Variants in SLC37A2 observed in about 807,000 individuals in gnomAD.
SLC37A2 encodes the protein glucose-6-phosphate exchanger SLC37A2.
A neutral mutation model predicts 70.7 loss-of-function variants in SLC37A2; 59 were observed. The ratio of observed to expected loss-of-function variants is 0.83; its 90% CI spans 0.68 to 1.04. SLC37A2 has a LOEUF of 1.04. Ranked by LOEUF, SLC37A2 falls within the 50% of genes least tolerant of loss-of-function variation. SLC37A2 has a pLI of 0.00. For missense variants in SLC37A2, 580 were observed against 658.1 expected (o/e 0.88, Z 1.30); for synonymous variants, 257 against 262.1 (o/e 0.98, Z 0.19).
In SLC37A2 at chr11:125,085,668, C is replaced by CT. The variant is rs1304882286; in HGVS notation, c.1420dup (p.Cys474LeufsTer26). On this transcript the variant is annotated frameshift_variant, in exon 16 of 18. Transcript: ENST00000403796. LOFTEE classifies it high-confidence loss of function. ...TGCTCATCTCTGCCGACGTCCTAGCCTGCTTGGTAAGAGTCTTGGGGTACA... is the reference window on the plus strand; with the variant it reads ...TGCTCATCTCTGCCGACGTCCTAGCCTTGCTTGGTAAGAGTCTTGGGGTACA... 1 of 1,612,792 alleles carries CT rather than the reference C, an allele frequency of 6.2e-7. No individual in the cohort carries two copies. The highest frequency in any genetic ancestry group is 1.7e-5 in the Admixed American group (1 of 60,016).
chr11:125,071,972 C>G (rs967335356), intron 1 of SLC37A2, among the ~76,000 whole-genome samples: 9 of 152,110 alleles, frequency 5.9e-5, no homozygotes, highest in African/African-American at 2.2e-4. Context: ...CTACTGAATC[C>G]ATTTTCTCTG....
chr11:125,064,631 CT>C (rs1464658167), intron 1 of SLC37A2, among the ~76,000 whole-genome samples: 1 of 152,150 alleles, frequency 6.6e-6, no homozygotes, highest in East Asian at 1.9e-4. Context: ...TTTACCTAGT[CT>C]TTTTTGAGTT....
chr11:125,077,216 C>A lies in SLC37A2; in HGVS notation c.142-14C>A, dbSNP rs61912693. Reference sequence around the variant, plus strand: ...GGGTCAACCCCTGACCTGTATGTCCCATTGCCTATCCAGAGCCGTCTGCAC... The same window carrying A: ...GGGTCAACCCCTGACCTGTATGTCCAATTGCCTATCCAGAGCCGTCTGCAC... On this transcript the variant is annotated splice_polypyrimidine_tract_variant and intron_variant, in intron 2 of 17. Transcript: ENST00000403796. 142,194 of 1,564,110 alleles carry A rather than the reference C, an allele frequency of 0.091. 7,213 individuals are homozygous for A. Among genetic ancestry groups the A allele is most frequent in the East Asian group, 0.18 (8,001 of 44,588 alleles).
chr11:125,081,820 A>C lies in SLC37A2; in HGVS notation c.799A>C (p.Ser267Arg). The stretch of plus-strand genomic sequence containing the variant: ...GAACAGTCCCTGCTCTATCAGGGAG[A>C]GCGGCCTTGAGACTGTGGCCAAATG... Reference protein sequence around the residue: ...PGNSPCSIRESGLETVAKCSK... With the variant: ...PGNSPCSIRERGLETVAKCSK... Residue 267 changes from serine (S) to arginine (R), a missense_variant, in exon 9 of 18, where the codon AGC becomes CGC. By Grantham distance (110) the Ser-to-Arg change is moderately radical. Coordinates refer to ENST00000403796, the MANE Select transcript of SLC37A2 (RefSeq NM_001145290.2). The C allele has an allele frequency of 5.6e-6, 9 of 1,613,908 alleles. No individual in the cohort carries two copies. The highest frequency in any genetic ancestry group is 7.6e-6 in the Non-Finnish European group (9 of 1,179,874).
chr11:125,082,262 C>T lies in SLC37A2; in HGVS notation c.904C>T (p.Leu302=). ...TCCCCAGGGCGTGGTCGAGTTCTCT[C>T]TGTGTCTGCTGTTTGCCAAGCTGGT... The part of the protein sequence containing the change: ...LRIPGVVEFS[L]CLLFAKLVSY... Residue 302 remains leucine, a synonymous_variant, in exon 10 of 18, where the codon CTG becomes TTG. Transcript: ENST00000403796. 6.2e-7 allele frequency: 1 copy of T among 1,614,016 alleles called. No homozygotes were observed.
At chr11:125,065,728 A>G (rs1461622614) in intron 1 of SLC37A2, among the ~76,000 whole-genome samples, 5 of 152,094 alleles carry the variant, frequency 3.3e-5, no homozygotes, top group Non-Finnish European at 5.9e-5. Flanking sequence ...TGGTTGCATA[A>G]CCAATTTTTC....
chr11:125,068,441 G>T (rs548976426), intron 1 of SLC37A2, among the ~76,000 whole-genome samples: 2 of 152,288 alleles, frequency 1.3e-5, no homozygotes, highest in South Asian at 4.1e-4. Context: ...TCTGAGGCCT[G>T]CAAAGACAAT....
At chr11:125,076,717 G>T in intron 1 of SLC37A2, 40 bp from the exon 2 acceptor site, 1 of 1,600,514 alleles carries the variant, frequency 6.2e-7, no homozygotes, top group Non-Finnish European at 8.6e-7. Flanking sequence ...TCCAGCTGGG[G>T]CTGACTTCCC....
intron 8 of SLC37A2, 58 bp from the exon 9 acceptor site, chr11:125,081,696 A>G: frequency 6.6e-7 from 1 of 1,515,254 alleles, no homozygotes; most frequent in Non-Finnish European, 8.9e-7. Flanking sequence ...CTGCACCTTC[A>G]GCTGGTGGGA....
rs34649502 is a variant in SLC37A2 at position 125,080,744 on chromosome 11, G to A, written c.658G>A (p.Val220Ile). 2,517 of 1,532,910 alleles carry A rather than the reference G, an allele frequency of 1.6e-3. 49 individuals carry two copies. In the African/African-American group the frequency reaches 0.03, roughly 18 times the overall value. The allele number at this position is 1,532,910 out of a possible 1,614,324, so 95.0% of individuals were successfully genotyped here. A position where few individuals can be genotyped will look rare whatever the true frequency, so the allele number is the denominator to read the frequency against. Residue 220 changes from valine to isoleucine, a missense_variant, in exon 7 of 18, where the codon GTC (valine) becomes ATC (isoleucine). Coordinates refer to ENST00000403796, the MANE Select transcript of SLC37A2 (RefSeq NM_001145290.2). This position sits in a 1 kb window ranked among gnomAD's most constrained non-coding sequence, Gnocchi z 4.3. Reference sequence around the variant, plus strand: ...CATCGTGCCTGGCATCATTACTGCCGTCATGGGCGTCATCACCTTCCTCTT... The same window carrying A: ...CATCGTGCCTGGCATCATTACTGCCATCATGGGCGTCATCACCTTCCTCTT... ...SFIVPGIITA[V>I]MGVITFLFLI...
chr11:125,079,734 T>C lies in SLC37A2; in HGVS notation c.501T>C (p.Cys167=), dbSNP rs1422164176. 2.5e-6 allele frequency: 4 copies of C among 1,610,116 alleles called. No homozygotes were observed. Among genetic ancestry groups the C allele is most frequent in the Non-Finnish European group, 3.4e-6 (4 of 1,178,244 alleles). Residue 167 remains cysteine (C), a synonymous_variant, in exon 6 of 18, where the codon TGT becomes TGC. Coordinates refer to ENST00000403796, the MANE Select transcript of SLC37A2 (RefSeq NM_001145290.2). ...CAGGCTGGCCCTCTGTGGTGACCTG[T>C]GTTGGCAACTGGTTCGGGAAGGGGA... ...QTTGWPSVVT[C]VGNWFGKGKR... is the part of the protein sequence containing the mutation.
At position 125,080,777 on chromosome 11, in the gene SLC37A2, G is replaced by A. The variant is rs553813598; in HGVS notation, c.691G>A (p.Glu231Lys). 1.6e-5 allele frequency: 23 copies of A among 1,472,274 alleles called. 1 individual carries two copies. In the Admixed American group the frequency reaches 3.4e-4, roughly 22 times the overall value. 91.2% of individuals were successfully genotyped at this position (1,472,274 alleles called of 1,614,324 possible). A position where few individuals can be genotyped will look rare whatever the true frequency, so the allele number is the denominator to read the frequency against. Residue 231 changes from glutamate to lysine, a missense_variant, in exon 7 of 18, where the codon GAA becomes AAA. Transcript: ENST00000403796. The surrounding 1 kb of genome is among the most constrained non-coding windows in gnomAD (Gnocchi z 4.3). ...MGVITFLFLIEHPEDVDCAPP... is the reference protein window; with the variant it reads ...MGVITFLFLIKHPEDVDCAPP... ...CGTCATCACCTTCCTCTTCCTCATC[G>A]AACGTGAGTGGGCCCCTCACTCCCC...
At chr11:125,076,457 C>G (rs561974646) in intron 1 of SLC37A2, among the ~76,000 whole-genome samples, 2 of 152,142 alleles carry the variant, frequency 1.3e-5, no homozygotes, top group Non-Finnish European at 2.9e-5. Flanking sequence ...TCAGGGAGGT[C>G]GACAAAAAGC....
Position 125,063,315 on chromosome 11 carries a change from C to A in SLC37A2, c.-53C>A, listed in dbSNP as rs1948947790. On this transcript the variant is annotated 5_prime_UTR_variant, in exon 1 of 18. Transcript: ENST00000403796. This position sits in a 1 kb window ranked among gnomAD's most constrained non-coding sequence, Gnocchi z 5.4. ...CAGCCAGTCCAGCCCGGGACACGCG[C>A]CCAGCTCTGTAGCCTCCTCCGTCGA... 3 of 1,524,942 alleles carry A rather than the reference C, an allele frequency of 2.0e-6. No individual in the cohort carries two copies. Among genetic ancestry groups the A allele is most frequent in the Non-Finnish European group, 1.8e-6 (2 of 1,110,888 alleles). 94.5% of individuals were successfully genotyped at this position (1,524,942 alleles called of 1,614,324 possible). A position where few individuals can be genotyped will look rare whatever the true frequency, so the allele number is the denominator to read the frequency against.
At chr11:125,064,050 T>G (rs1321419932) in intron 1 of SLC37A2, among the ~76,000 whole-genome samples, 1 of 152,074 alleles carries the variant, frequency 6.6e-6, no homozygotes. Context: ...CAAGGTGGGG[T>G]GGAGGGGTTT....
At chr11:125,071,626 A>C (rs1949029925) in intron 1 of SLC37A2, among the ~76,000 whole-genome samples, 1 of 152,174 alleles carries the variant, frequency 6.6e-6, no homozygotes, top group South Asian at 2.1e-4. Context: ...AGTCATCTCG[A>C]TCTCTCTGAG....
chr11:125,087,393 G>A (rs1949230900), intron 17 of SLC37A2: 1 of 152,480 alleles, frequency 6.6e-6, no homozygotes, highest in African/African-American at 2.4e-5. Flanking sequence ...ACAGAGCACT[G>A]TGCTTGGAAT....
chr11:125,065,725 A>G (rs999574130), intron 1 of SLC37A2, among the ~76,000 whole-genome samples: 3 of 152,176 alleles, frequency 2.0e-5, no homozygotes, highest in East Asian at 3.8e-4. Flanking sequence ...TCTTGGTTGC[A>G]TAACCAATTT....
intron 1 of SLC37A2, among the ~76,000 whole-genome samples, chr11:125,064,364 G>T (rs1382139650): frequency 6.6e-6 from 1 of 151,416 alleles, no homozygotes; most frequent in Non-Finnish European, 1.5e-5. Context: ...GTCTCTAGAA[G>T]TAAAAAAAGG....
Sources: allele counts gnomAD v4.1 joint callset (sites outside exome capture counted in the v4.1 genomes callset), GRCh38; gene constraint gnomAD v4.1.1; non-coding constraint Gnocchi (gnomAD v3.1); transcripts MANE v1.5; gene names NCBI Gene and HGNC (gene_info 2026-07-23, HGNC 2026-07-21).